The following PRKN variants were observed in gnomAD, a reference collection of about 807,000 sequenced individuals.
PRKN encodes the protein parkin RBR E3 ubiquitin protein ligase.
A neutral mutation model predicts 59.5 loss-of-function variants in PRKN; 56 were observed. The observed-to-expected ratio is 0.94, with a 90% confidence interval of 0.76 to 1.18. PRKN has a LOEUF of 1.18. Ranked by LOEUF, PRKN falls within the 50% of genes most tolerant of loss-of-function variation. The probability of loss-of-function intolerance (pLI) is 0.00; values close to 1 mark genes in which losing one functional copy is unlikely to be tolerated. For synonymous variants in PRKN, 250 were observed against 222.1 expected, an observed-to-expected ratio of 1.13 and a Z score of -1.12; for missense variants, 657 against 596.4, an observed-to-expected ratio of 1.10 and a Z score of -1.06.
chr6:162,586,434 T>C (rs1212676252), intron 1 of PRKN, among the ~76,000 whole-genome samples: 3 of 152,308 alleles, frequency 2.0e-5, no homozygotes, highest in East Asian at 3.9e-4. Context: ...TGTCTTTATA[T>C]GTTCATGGAG....
Position 161,560,913 on chromosome 6 carries a change from C to T in PRKN, c.933+8442G>A, listed in dbSNP as rs778744533. 6.6e-5 allele frequency among the ~76,000 whole-genome samples: 10 copies of T among 152,172 alleles called. No homozygotes were observed. Among genetic ancestry groups the T allele is most frequent in the Non-Finnish European group, 1.2e-4 (8 of 68,048 alleles). ...GCATTGCCTGGAAAACACAGATTTC[C>T]GTGGTCTTCTTTATCTGATGGCAAA... On this transcript the variant is annotated intron_variant, in intron 8 of 11. Transcript: ENST00000366898. The surrounding 1 kb of genome is among the most constrained non-coding windows in gnomAD (Gnocchi z 4.9).
chr6:162,253,560 T>G (rs1779524439), intron 3 of PRKN, among the ~76,000 whole-genome samples: 1 of 152,174 alleles, frequency 6.6e-6, no homozygotes, highest in African/African-American at 2.4e-5. Context: ...ATACTCATTC[T>G]CATTTTCATA....
At chr6:162,095,463 T>C (rs1252703639) in intron 4 of PRKN, among the ~76,000 whole-genome samples, 1 of 152,188 alleles carries the variant, frequency 6.6e-6, no homozygotes. Context: ...TTTAAATGTT[T>C]TTATAGTTTA....
At chr6:162,518,662 C>T (rs1170457669) in intron 1 of PRKN, among the ~76,000 whole-genome samples, 1 of 152,128 alleles carries the variant, frequency 6.6e-6, no homozygotes, top group Non-Finnish European at 1.5e-5. Flanking sequence ...CCACAATACC[C>T]GGCCAGCAAA....
At chr6:162,580,754 C>T (rs1381223815) in intron 1 of PRKN, among the ~76,000 whole-genome samples, 1 of 152,168 alleles carries the variant, frequency 6.6e-6, no homozygotes, top group Non-Finnish European at 1.5e-5. Context: ...TGTGGAAGCA[C>T]ACAAACAGCA....
At chr6:161,756,278 C>T (rs978501813) in intron 7 of PRKN, among the ~76,000 whole-genome samples, 3 of 151,750 alleles carry the variant, frequency 2.0e-5, no homozygotes, top group Non-Finnish European at 4.4e-5. Context: ...CCTGTCTCTG[C>T]TACGAGTACA....
intron 7 of PRKN, among the ~76,000 whole-genome samples, chr6:161,671,932 T>A (rs9347531): frequency 6.6e-6 from 1 of 151,948 alleles, no homozygotes; most frequent in African/African-American, 2.4e-5. Flanking sequence ...AAAGTTCTGC[T>A]GCTCCACAGT....
chr6:161,591,348 G>C (rs931762947), intron 7 of PRKN, among the ~76,000 whole-genome samples: 2 of 152,138 alleles, frequency 1.3e-5, no homozygotes, highest in African/African-American at 4.8e-5. Flanking sequence ...CACTAGGGGA[G>C]GCATCCACTT....
In PRKN at chr6:161,405,234, C is replaced by A. The variant is rs114388703; in HGVS notation, c.1084-18357G>T. Among the ~76,000 whole-genome samples, 2 of 152,134 alleles carry A rather than the reference C, an allele frequency of 1.3e-5. No homozygotes were observed. The highest frequency in any genetic ancestry group is 4.1e-4 in the South Asian group (2 of 4,828). ...GGGATTTGGGGGAAAAGTCATTAGTCGTCATTTGCCATCCTGTGTTCATGC... is the reference window on the plus strand; with the variant it reads ...GGGATTTGGGGGAAAAGTCATTAGTAGTCATTTGCCATCCTGTGTTCATGC... On this transcript the variant is annotated intron_variant, in intron 9 of 11. Coordinates refer to ENST00000366898, the MANE Select transcript of PRKN (RefSeq NM_004562.3). The surrounding 1 kb of genome is among the most constrained non-coding windows in gnomAD (Gnocchi z 5.1).
At chr6:162,413,919 C>G (rs111537118) in intron 2 of PRKN, among the ~76,000 whole-genome samples, 7 of 152,126 alleles carry the variant, frequency 4.6e-5, no homozygotes, top group Non-Finnish European at 1.0e-4. Flanking sequence ...CGGTGGCTCA[C>G]GCCTGTAGTC....
At position 161,361,820 on chromosome 6, in the gene PRKN, A is replaced by T. The variant is rs972009244; in HGVS notation, c.1168-1615T>A. ...ATGAGTGCTTCCTTTGCTAAGATCC[A>T]CTCACGGCAGAGGCCCAGTGAGGGC... On this transcript the variant is annotated intron_variant, in intron 10 of 11. Coordinates refer to ENST00000366898, the MANE Select transcript of PRKN (RefSeq NM_004562.3). The surrounding 1 kb of genome is among the most constrained non-coding windows in gnomAD (Gnocchi z 5.2). 2.0e-5 allele frequency among the ~76,000 whole-genome samples: 3 copies of T among 152,128 alleles called. No homozygotes were observed. Among genetic ancestry groups the T allele is most frequent in the Non-Finnish European group, 2.9e-5 (2 of 68,024 alleles).
intron 3 of PRKN, among the ~76,000 whole-genome samples, chr6:162,201,556 C>A (rs1252091259): frequency 6.6e-6 from 1 of 152,170 alleles, no homozygotes; most frequent in Non-Finnish European, 1.5e-5. Context: ...ATCAGAGGCA[C>A]TCTTTGCCGA....
intron 6 of PRKN, among the ~76,000 whole-genome samples, chr6:161,852,964 G>A (rs963095088): frequency 3.9e-5 from 6 of 152,134 alleles, no homozygotes; most frequent in African/African-American, 1.2e-4. Context: ...AGACAGCTGG[G>A]ACCAGATGAC....
At position 161,467,163 on chromosome 6, in the gene PRKN, A is replaced by T. The variant is rs76129285; in HGVS notation, c.1084-80286T>A. ...GGGGGAGCCATTTGTGCTGACGAAT[A>T]GTTGTTTTTTTCAATGTACTGGGAA... On this transcript the variant is annotated intron_variant, in intron 9 of 11. Transcript: ENST00000366898. The surrounding 1 kb of genome is among the most constrained non-coding windows in gnomAD (Gnocchi z 4.3). Among the ~76,000 whole-genome samples, 201 of 152,272 alleles carry T rather than the reference A, an allele frequency of 1.3e-3. No homozygotes were observed. Among genetic ancestry groups the T allele is most frequent in the African/African-American group, 4.6e-3 (191 of 41,564 alleles).
At chr6:161,496,967 G>A (rs572358681) in intron 9 of PRKN, among the ~76,000 whole-genome samples, 13 of 152,320 alleles carry the variant, frequency 8.5e-5, no homozygotes, top group African/African-American at 1.9e-4. Flanking sequence ...CTCCAGAACC[G>A]TGAGACAACA....
chr6:162,495,659 T>C (rs978668339), intron 1 of PRKN, among the ~76,000 whole-genome samples: 1 of 152,176 alleles, frequency 6.6e-6, no homozygotes, highest in African/African-American at 2.4e-5. Context: ...CCCTTGCAGA[T>C]TCTCTGCCAG....
In PRKN at chr6:162,727,731, G is replaced by T. The variant is rs752584426; in HGVS notation, c.-63C>A. 4 of 1,527,096 alleles carry T rather than the reference G, an allele frequency of 2.6e-6. No homozygotes were observed. The highest frequency in any genetic ancestry group is 1.8e-6 in the Non-Finnish European group (2 of 1,126,474). 94.6% of individuals were successfully genotyped at this position (1,527,096 alleles called of 1,614,324 possible). ...GCCCATGCGCGCAGCGGCGCCAGCC[G>T]CGCCTCCCACCAGCGGCTCTCCTGG... On this transcript the variant is annotated 5_prime_UTR_variant, in exon 1 of 12. Coordinates refer to ENST00000366898, the MANE Select transcript of PRKN (RefSeq NM_004562.3).
At chr6:162,698,796 T>C (rs1163762856) in intron 1 of PRKN, among the ~76,000 whole-genome samples, 2 of 152,156 alleles carry the variant, frequency 1.3e-5, no homozygotes, top group Admixed American at 6.6e-5. Flanking sequence ...TGCATTCCAG[T>C]AGAGCCTAAG....
chr6:162,725,317 A>C (rs973672858), intron 1 of PRKN, among the ~76,000 whole-genome samples: 1 of 152,238 alleles, frequency 6.6e-6, no homozygotes, highest in Admixed American at 6.5e-5. Context: ...GATAAAGTCT[A>C]TAATGTCTTT....
Sources: allele counts gnomAD v4.1 joint callset (sites outside exome capture counted in the v4.1 genomes callset), GRCh38; gene constraint gnomAD v4.1.1; non-coding constraint Gnocchi (gnomAD v3.1); transcripts MANE v1.5; gene names NCBI Gene and HGNC (gene_info 2026-07-23, HGNC 2026-07-21).